The following TDRD10 variants were observed in gnomAD, a reference collection of about 807,000 sequenced individuals.
The protein encoded by TDRD10 is tudor domain containing 10, also known as tudor domain-containing protein 10.
In TDRD10, 40 loss-of-function variants were observed where a neutral mutation model predicts 48.0. The observed-to-expected ratio is 0.83, with a 90% confidence interval of 0.65 to 1.09. The LOEUF (loss-of-function observed/expected upper bound fraction) is 1.09. TDRD10 is among the 50% of genes least tolerant of loss of function. The pLI is 0.00. For synonymous variants in TDRD10, 162 were observed against 170.4 expected, an observed-to-expected ratio of 0.95 and a Z score of 0.38; for missense variants, 378 against 434.7, an observed-to-expected ratio of 0.87 and a Z score of 1.16.
chr1:154,539,355 G>A (rs1047888387), intron 6 of TDRD10, among the ~76,000 whole-genome samples: 3 of 152,068 alleles, frequency 2.0e-5, no homozygotes, highest in Non-Finnish European at 4.4e-5. Context: ...AGGCTGGAGT[G>A]CAATGGCACA....
At chr1:154,532,122 A>G (rs1304483965) in intron 6 of TDRD10, among the ~76,000 whole-genome samples, 1 of 152,210 alleles carries the variant, frequency 6.6e-6, no homozygotes, top group African/African-American at 2.4e-5. Context: ...TGATAGGACC[A>G]GGTGCTGTGG....
In TDRD10 at chr1:154,520,337, C is replaced by T. The variant is rs780662400; in HGVS notation, c.175C>T (p.Pro59Ser). The change falls in exon 5 of 13, where the codon CCT becomes TCT. Residue 59 changes from proline to serine, a missense_variant. Around this residue, in one of 2 missense-constraint regions of TDRD10, gnomAD observed 310 missense variants for 323.6 expected, o/e 0.96. Transcript: ENST00000368482. ...TCTGTACCTTCTAAAGGACTTCAAC[C>T]CTCTTGATGTCCACAAAATCCAGAA... ...EILYLLKDFNPLDVHKIQNGC... is the reference protein window; with the variant it reads ...EILYLLKDFNSLDVHKIQNGC... 6.2e-7 allele frequency: 1 copy of T among 1,613,822 alleles called. No homozygotes were observed. The highest frequency in any genetic ancestry group is 8.5e-7 in the Non-Finnish European group (1 of 1,179,796).
intron 5 of TDRD10, among the ~76,000 whole-genome samples, chr1:154,520,669 T>C (rs1694010284): frequency 6.6e-6 from 1 of 152,228 alleles, no homozygotes; most frequent in Admixed American, 6.5e-5. Context: ...ACCCTAAGCC[T>C]TAGTTGTTCC....
At chr1:154,504,035 A>G (rs1189908260) in intron 1 of TDRD10, among the ~76,000 whole-genome samples, 2 of 152,026 alleles carry the variant, frequency 1.3e-5, no homozygotes, top group Non-Finnish European at 2.9e-5. Flanking sequence ...GTCACTCCTC[A>G]TTTCCCTCTC....
At chr1:154,544,563 G>A (rs1346744343) in intron 10 of TDRD10, 46 bp downstream of exon 10, 9 of 1,585,572 alleles carry the variant, frequency 5.7e-6, no homozygotes, top group Admixed American at 1.8e-5. Context: ...GGCGTGCAGG[G>A]AAAATGCTCC....
In TDRD10 at chr1:154,502,287, C is replaced by A; in HGVS notation, c.-770C>A. ...GGCGGCGGGCGCCGGGGGCTTCCCC[C>A]TGCTCTTTCCTCCTGCGGTGGGAGA... On this transcript the variant is annotated 5_prime_UTR_variant, in exon 1 of 13. It adds an upstream start codon to the 5' untranslated region. Coordinates refer to ENST00000368482, the MANE Select transcript of TDRD10 (RefSeq NM_182499.4). The A allele has an allele frequency of 4.9e-6, 1 of 205,282 alleles. No homozygotes were observed. Among genetic ancestry groups the A allele is most frequent in the Admixed American group, 5.9e-5 (1 of 16,930 alleles). 12.7% of individuals were successfully genotyped at this position (205,282 alleles called of 1,614,324 possible). A position where few individuals can be genotyped will look rare whatever the true frequency, so the allele number is the denominator to read the frequency against.
rs1238504267 is a variant in TDRD10 at position 154,545,839 on chromosome 1, C to T, written c.952+890C>T. 3.4e-5 allele frequency among the ~76,000 whole-genome samples: 5 copies of T among 147,984 alleles called. No homozygotes were observed. The Admixed American group carries it at 3.4e-4, about 10-fold the overall frequency. ...AGGCTGGAGTGCAGAGGCGCAATCT[C>T]GGCTCACTGCAACCTCCGCCTCCCA... is the stretch of plus-strand genomic sequence containing the variant. On this transcript the variant is annotated intron_variant, in intron 11 of 12. Coordinates refer to ENST00000368482, the MANE Select transcript of TDRD10 (RefSeq NM_182499.4).
At chr1:154,538,834 C>T (rs778950855) in intron 6 of TDRD10, among the ~76,000 whole-genome samples, 4 of 99,392 alleles carry the variant, frequency 4.0e-5, no homozygotes, top group African/African-American at 6.7e-5. Context: ...GCCTGGGTGA[C>T]GGAGCGAGAC....
chr1:154,507,397 T>C, intron 3 of TDRD10, 77 bp downstream of exon 3: 1 of 1,530,222 alleles, frequency 6.5e-7, no homozygotes, highest in Non-Finnish European at 9.0e-7. Flanking sequence ...GTTCCCAGTC[T>C]GCCCAGTTTC....
intron 4 of TDRD10, among the ~76,000 whole-genome samples, chr1:154,510,843 G>A (rs1005667250): frequency 4.6e-5 from 7 of 151,386 alleles, no homozygotes; most frequent in African/African-American, 1.2e-4. Context: ...TCAGGAGCTC[G>A]AGATCATCCT....
chr1:154,506,458 C>T (rs1693161381), intron 1 of TDRD10, among the ~76,000 whole-genome samples: 1 of 152,012 alleles, frequency 6.6e-6, no homozygotes, highest in African/African-American at 2.4e-5. Flanking sequence ...TCACTGCAAC[C>T]TCTGCCTCCC....
rs373811231 is a variant in TDRD10 at position 154,540,816 on chromosome 1, GT to G, written c.370-1206del. ...AGGACAAGTCCTGGGATGTGCCAGT[GT>G]TGAGCAGTTGAACTGAGAAGGCCAG... On this transcript the variant is annotated intron_variant, in intron 6 of 12. Coordinates refer to ENST00000368482, the MANE Select transcript of TDRD10 (RefSeq NM_182499.4). Among the ~76,000 whole-genome samples the G allele has an allele frequency of 2.0e-4, 31 of 152,340 alleles. No individual in the cohort carries two copies. In the East Asian group the frequency reaches 5.8e-3, roughly 28 times the overall value.
chr1:154,511,055 A>AG (rs940968766), intron 4 of TDRD10, among the ~76,000 whole-genome samples: 33 of 152,014 alleles, frequency 2.2e-4, no homozygotes, highest in African/African-American at 7.7e-4. Context: ...CAAAAAAAAA[A>AG]AAATTTAAAA....
intron 6 of TDRD10, 48 bp downstream of exon 6, chr1:154,521,527 T>C: frequency 1.9e-6 from 3 of 1,592,250 alleles, no homozygotes; most frequent in Non-Finnish European, 2.6e-6. Flanking sequence ...TTTCACCCTT[T>C]AGAGCGTGGC....
chr1:154,520,978 A>C (rs909995486), intron 5 of TDRD10, among the ~76,000 whole-genome samples: 2 of 152,160 alleles, frequency 1.3e-5, no homozygotes, highest in Non-Finnish European at 2.9e-5. Context: ...GGCTCAAGCG[A>C]TCCGCCTGTC....
intron 6 of TDRD10, among the ~76,000 whole-genome samples, chr1:154,527,802 A>C (rs1055480047): frequency 2.0e-5 from 3 of 152,236 alleles, no homozygotes; most frequent in Non-Finnish European, 2.9e-5. Flanking sequence ...CAGTGATTCA[A>C]ATATGGCCTA....
intron 12 of TDRD10, 63 bp downstream of exon 12, chr1:154,547,542 G>T (rs1185074602): frequency 1.9e-6 from 3 of 1,614,232 alleles, no homozygotes. Flanking sequence ...GGTGTCTGCA[G>T]CAGGCTGCTG....
intron 6 of TDRD10, among the ~76,000 whole-genome samples, chr1:154,532,169 C>T (rs1039518009): frequency 4.6e-5 from 7 of 152,286 alleles, no homozygotes; most frequent in Admixed American, 1.3e-4. Context: ...GCTCAGGCAG[C>T]GCAGGAGCCC....
intron 6 of TDRD10, among the ~76,000 whole-genome samples, chr1:154,530,438 T>A (rs1694555234): frequency 6.6e-6 from 1 of 151,284 alleles, no homozygotes; most frequent in African/African-American, 2.4e-5. Context: ...TTAAATTTTT[T>A]TTTTCTTTTG....
Sources: allele counts gnomAD v4.1 joint callset (sites outside exome capture counted in the v4.1 genomes callset), GRCh38; gene constraint gnomAD v4.1.1; regional missense constraint gnomAD v4.1.1; transcripts MANE v1.5; gene names NCBI Gene and HGNC (gene_info 2026-07-23, HGNC 2026-07-21).